The following AMD1 variants were observed in gnomAD, a reference collection of about 807,000 sequenced individuals.
The protein encoded by AMD1 is S-adenosylmethionine decarboxylase proenzyme.
AMD1 carries 11 observed loss-of-function variants against 40.2 expected under a neutral mutation model. That is an observed-to-expected ratio of 0.27 (90% CI 0.17 to 0.45). AMD1 has a LOEUF of 0.45. AMD1 is among the 20% of genes least tolerant of loss of function. AMD1 has a pLI of 1.00. For synonymous variants in AMD1, 121 were observed against 130.8 expected (o/e 0.93, Z 0.51); for missense variants, 257 against 410.2 (o/e 0.63, Z 3.23).
At chr6:110,878,233 A>C (rs1340173976) in intron 1 of AMD1, among the ~76,000 whole-genome samples, 2 of 152,156 alleles carry the variant, frequency 1.3e-5, no homozygotes, top group Non-Finnish European at 2.9e-5. Flanking sequence ...TTTTTCTCCT[A>C]CACGATATTT....
chr6:110,856,289 C>G, the AMD1 span: 2 of 152,048 alleles, frequency 1.3e-5, no homozygotes, highest in Admixed American at 6.6e-5. Flanking sequence ...TATGAGCATG[C>G]ATACATCAAA....
the AMD1 span, among the ~76,000 whole-genome samples, chr6:110,861,290 A>G: frequency 8.6e-5 from 13 of 150,938 alleles, no homozygotes; most frequent in East Asian, 6.0e-4. Context: ...CCCGGGAGGC[A>G]GAGCTTGCAG....
the AMD1 span, among the ~76,000 whole-genome samples, chr6:110,829,514 A>G: frequency 6.7e-6 from 1 of 149,288 alleles, no homozygotes; most frequent in African/African-American, 2.5e-5. Context: ...TAAAAATACA[A>G]AAAAATTAGC....
chr6:110,869,491 A>G, the AMD1 span, among the ~76,000 whole-genome samples: 130,332 of 150,544 alleles, frequency 0.87, 56,527 homozygotes, highest in Middle Eastern at 0.94. Context: ...TCTTTACATG[A>G]TGTTTTACAG....
At chr6:110,818,575 C>T in the AMD1 span, among the ~76,000 whole-genome samples, 26 of 151,984 alleles carry the variant, frequency 1.7e-4, no homozygotes, top group Admixed American at 1.7e-3. Context: ...GAGTCTTGCT[C>T]TGTCACCCAG....
At chr6:110,821,936 C>A in the AMD1 span, among the ~76,000 whole-genome samples, 1 of 151,948 alleles carries the variant, frequency 6.6e-6, no homozygotes, top group Non-Finnish European at 1.5e-5. Context: ...AAACCAAACC[C>A]GAAGCTAGCA....
intron 6 of AMD1, 80 bp from the exon 7 acceptor site, chr6:110,892,655 C>T: frequency 1.3e-6 from 2 of 1,533,446 alleles, no homozygotes; most frequent in Non-Finnish European, 1.8e-6. Context: ...CTCCCTTCTC[C>T]CACCCTGGGA....
In AMD1 at chr6:110,875,274, C is replaced by T. The variant is rs1408765027; in HGVS notation, c.110+59C>T. The T allele has an allele frequency of 4.4e-6, 6 of 1,363,792 alleles. No homozygotes were observed. In the African/African-American group the frequency reaches 5.8e-5, roughly 13 times the overall value. The allele number at this position is 1,363,792 out of a possible 1,614,324, so 84.5% of individuals were successfully genotyped here. ...CTGGGGGCTGTCGCCGCCGCCGAGG[C>T]ACCAGCCACGGGTGGAGCCCGAGTT... On this transcript the variant is annotated intron_variant, in intron 1 of 8. Transcript: ENST00000368885.
the AMD1 span, chr6:110,858,370 C>T: frequency 1.2e-6 from 1 of 818,044 alleles, no homozygotes; most frequent in Non-Finnish European, 2.2e-6. Context: ...TCACCAGCCT[C>T]TCCATCGGCC....
chr6:110,888,806 C>T lies in AMD1; in HGVS notation c.198-51C>T, dbSNP rs778575506. 6 of 1,545,754 alleles carry T rather than the reference C, an allele frequency of 3.9e-6. No individual in the cohort carries two copies. The East Asian group carries it at 7.0e-5, about 18-fold the overall frequency. On this transcript the variant is annotated intron_variant, in intron 2 of 8. Transcript: ENST00000368885. ...GATAATTAAATTGGTTGATTGCACC[C>T]TCAGTAGTACATTAGTATTGTTATA...
intron 3 of AMD1, 26 bp downstream of exon 3, chr6:110,889,009 T>C: frequency 1.2e-6 from 2 of 1,608,002 alleles, no homozygotes; most frequent in Non-Finnish European, 1.7e-6. Context: ...TTTAAATATT[T>C]TTCAGGCATA....
the AMD1 span, among the ~76,000 whole-genome samples, chr6:110,816,850 G>A: frequency 6.6e-6 from 1 of 152,262 alleles, no homozygotes; most frequent in South Asian, 2.1e-4. Context: ...AGACTCCTGA[G>A]TAGCTGGGAT....
chr6:110,885,186 G>T (rs563143942), intron 1 of AMD1, among the ~76,000 whole-genome samples: 2 of 151,318 alleles, frequency 1.3e-5, no homozygotes, highest in Non-Finnish European at 2.9e-5. Flanking sequence ...GTGCGATCTC[G>T]GCTCACTGCA....
intron 3 of AMD1, 47 bp downstream of exon 3, chr6:110,889,030 T>C: frequency 4.4e-6 from 7 of 1,598,254 alleles, no homozygotes; most frequent in Non-Finnish European, 5.1e-6. Context: ...AATGTTAGCG[T>C]TCTTATCCTG....
chr6:110,885,525 G>T (rs1421403028), intron 1 of AMD1, among the ~76,000 whole-genome samples: 1 of 152,028 alleles, frequency 6.6e-6, no homozygotes, highest in Non-Finnish European at 1.5e-5. Context: ...CCACCTTCAG[G>T]GTTCAAGTGA....
At position 110,892,723 on chromosome 6, in the gene AMD1, T is replaced by C. The variant is rs891820870; in HGVS notation, c.616-12T>C. On this transcript the variant is annotated splice_polypyrimidine_tract_variant and intron_variant, in intron 6 of 8. Transcript: ENST00000368885. Reference sequence around the variant, plus strand: ...CAAACCCTTGTTAAACTCGGTCTTTTTCCCCCCCCAGGAGAGTGGAATTCG... The same window carrying C: ...CAAACCCTTGTTAAACTCGGTCTTTCTCCCCCCCCAGGAGAGTGGAATTCG... 16 of 1,504,288 alleles carry C rather than the reference T, an allele frequency of 1.1e-5. No homozygotes were observed. In the African/African-American group the frequency reaches 3.1e-4, roughly 29 times the overall value. 93.2% of individuals were successfully genotyped at this position (1,504,288 alleles called of 1,614,324 possible). A position where few individuals can be genotyped will look rare whatever the true frequency, so the allele number is the denominator to read the frequency against.
the AMD1 span, among the ~76,000 whole-genome samples, chr6:110,828,516 G>C: frequency 1.3e-5 from 2 of 152,144 alleles, no homozygotes; most frequent in Non-Finnish European, 2.9e-5. Context: ...TTAACAGTTT[G>C]TCCAAGTCTA....
the AMD1 span, among the ~76,000 whole-genome samples, chr6:110,841,922 C>G: frequency 3.3e-5 from 5 of 152,046 alleles, no homozygotes; most frequent in Admixed American, 3.3e-4. Flanking sequence ...CCTGCCTCGG[C>G]CTCCCAGGTA....
the AMD1 span, among the ~76,000 whole-genome samples, chr6:110,865,156 C>T: frequency 6.6e-6 from 1 of 152,154 alleles, no homozygotes; most frequent in African/African-American, 2.4e-5. Flanking sequence ...AGTGTGAATG[C>T]AATAGCTTTT....
Sources: allele counts gnomAD v4.1 joint callset (sites outside exome capture counted in the v4.1 genomes callset), GRCh38; gene constraint gnomAD v4.1.1; transcripts MANE v1.5; gene names NCBI Gene and HGNC (gene_info 2026-07-23, HGNC 2026-07-21).